The following TTC23 variants were observed in gnomAD, a reference collection of about 807,000 sequenced individuals.
TTC23 encodes the protein tetratricopeptide repeat protein 23.
In TTC23, 58 loss-of-function variants were observed where a neutral mutation model predicts 55.1. The ratio of observed to expected loss-of-function variants is 1.05; its 90% CI spans 0.85 to 1.31. The LOEUF is 1.31. Among genes scored for constraint, TTC23 ranks in the 50% most tolerant of loss-of-function variants. TTC23 has a pLI of 0.00. For missense variants in TTC23, 516 were observed against 534.4 expected (o/e 0.97, Z 0.34); for synonymous variants, 203 against 199.9 (o/e 1.02, Z -0.13).
chr15:99,233,553 T>G (rs1251575166), intron 4 of TTC23, among the ~76,000 whole-genome samples: 1 of 152,224 alleles, frequency 6.6e-6, no homozygotes, highest in African/African-American at 2.4e-5. Context: ...TATCTATTCC[T>G]GATGAAAATT....
intron 10 of TTC23, among the ~76,000 whole-genome samples, chr15:99,165,553 T>G (rs756669917): frequency 6.6e-6 from 1 of 152,252 alleles, no homozygotes; most frequent in Non-Finnish European, 1.5e-5. Flanking sequence ...CAGTGCCAGC[T>G]GGCCCTGGGG....
intron 8 of TTC23, 53 bp from the exon 9 acceptor site, chr15:99,200,149 A>G (rs1026542731): frequency 5.6e-6 from 8 of 1,431,278 alleles, no homozygotes; most frequent in Non-Finnish European, 7.4e-6. Flanking sequence ...GAAAATACTG[A>G]AAATATAGGT....
intron 11 of TTC23, chr15:99,160,564 G>T (rs1171914343): frequency 6.6e-6 from 1 of 152,104 alleles, no homozygotes; most frequent in East Asian, 1.9e-4. Flanking sequence ...TTGTACAAGG[G>T]CTTGAGCATC....
At chr15:99,199,780 A>G (rs2076050792) in intron 9 of TTC23, 139 bp downstream of exon 9, 2 of 764,154 alleles carry the variant, frequency 2.6e-6, no homozygotes, top group Non-Finnish European at 2.0e-6. Context: ...ACCTTTGTTG[A>G]GCATCTACTC....
chr15:99,246,920 T>TCAAA (rs777626353), intron 1 of TTC23, among the ~76,000 whole-genome samples: 19 of 151,776 alleles, frequency 1.3e-4, no homozygotes, highest in South Asian at 4.2e-4. Flanking sequence ...AGACCCAGTC[T>TCAAA]CAAACAAACA....
At chr15:99,173,605 TAA>T (rs928651052) in intron 10 of TTC23, among the ~76,000 whole-genome samples, 1 of 151,052 alleles carries the variant, frequency 6.6e-6, no homozygotes, top group East Asian at 1.9e-4. Flanking sequence ...AAAAAATAAT[TAA>T]AAAAAAATTG....
At chr15:99,209,879 TG>T (rs1360551824) in intron 8 of TTC23, among the ~76,000 whole-genome samples, 3 of 152,076 alleles carry the variant, frequency 2.0e-5, no homozygotes, top group Non-Finnish European at 4.4e-5. Flanking sequence ...GGACTACAGG[TG>T]TATGCTACAA....
At chr15:99,229,609 G>GA (rs2078764874) in intron 4 of TTC23, among the ~76,000 whole-genome samples, 1 of 152,222 alleles carries the variant, frequency 6.6e-6, no homozygotes, top group East Asian at 1.9e-4. Context: ...TCCAGAGACA[G>GA]AGGAACCAAG....
At chr15:99,235,619 C>T (rs187507285) in intron 3 of TTC23, among the ~76,000 whole-genome samples, 1 of 152,324 alleles carries the variant, frequency 6.6e-6, no homozygotes, top group African/African-American at 2.4e-5. Flanking sequence ...ATCCGCCTGC[C>T]TTGGCCTCCC....
chr15:99,171,172 T>C (rs2072873446), intron 10 of TTC23, among the ~76,000 whole-genome samples: 1 of 152,236 alleles, frequency 6.6e-6, no homozygotes, highest in Admixed American at 6.5e-5. Context: ...TAGCATTGAC[T>C]CACCTTTAAG....
rs2067664533 is a variant in TTC23, at chr15:99,137,268, TCAGGA to T, written c.*737_*741del. 1 of 152,320 alleles carries T rather than the reference TCAGGA, an allele frequency of 6.6e-6. No individual in the cohort carries two copies. Among genetic ancestry groups the T allele is most frequent in the Non-Finnish European group, 1.5e-5 (1 of 68,096 alleles). The allele number at this position is 152,320 out of a possible 1,614,324, so 9.4% of individuals were successfully genotyped here. On this transcript the variant is annotated 3_prime_UTR_variant, in exon 14 of 14. Coordinates refer to ENST00000394132, the MANE Select transcript of TTC23 (RefSeq NM_001288615.3). ...GCTGTGTACACGATAGTGTGCCAAC[TCAGGA>T]AGCAGCTCCAGGTGGCATCCAGGTT...
At chr15:99,197,053 T>TA (rs749360346) in intron 9 of TTC23, among the ~76,000 whole-genome samples, 9 of 152,112 alleles carry the variant, frequency 5.9e-5, no homozygotes, top group Non-Finnish European at 1.3e-4. Context: ...CAACTACACT[T>TA]ACTGTTTTTG....
At chr15:99,222,248 T>G (rs2078002752) in intron 5 of TTC23, among the ~76,000 whole-genome samples, 1 of 152,160 alleles carries the variant, frequency 6.6e-6, no homozygotes, top group African/African-American at 2.4e-5. Flanking sequence ...TGTTTTCAAA[T>G]AGTACACTTT....
intron 10 of TTC23, among the ~76,000 whole-genome samples, chr15:99,172,859 G>T (rs1381634278): frequency 1.3e-5 from 2 of 152,188 alleles, no homozygotes; most frequent in African/African-American, 4.8e-5. Flanking sequence ...GCAATAGAGT[G>T]CTATATTTAG....
At chr15:99,240,810 C>G in intron 3 of TTC23, among the ~76,000 whole-genome samples, 1 of 152,200 alleles carries the variant, frequency 6.6e-6, no homozygotes, top group East Asian at 1.9e-4. Context: ...TATAAAGATG[C>G]TGCTTTTTTA....
chr15:99,246,580 A>G (rs1298855789), intron 1 of TTC23, among the ~76,000 whole-genome samples: 1 of 149,684 alleles, frequency 6.7e-6, no homozygotes, highest in Non-Finnish European at 1.5e-5. Context: ...GAGCCACTGT[A>G]CTCCAGCCCG....
chr15:99,187,471 AAAC>A lies in TTC23; in HGVS notation c.760-12319_760-12317del, dbSNP rs1306308364. 4.9e-4 allele frequency among the ~76,000 whole-genome samples: 72 copies of A among 147,320 alleles called. 7 individuals carry two copies. Among genetic ancestry groups the A allele is most frequent in the Middle Eastern group, 3.6e-3 (1 of 280 alleles). On this transcript the variant is annotated intron_variant, in intron 9 of 13. Transcript: ENST00000394132. ...CACAAGCAAAAAAAAAAAAAAAACA[AAAC>A]AAAAGAAACCCAACATAGACAAGTT...
At chr15:99,215,747 C>CA (rs565894029) in intron 8 of TTC23, among the ~76,000 whole-genome samples, 1 of 146,816 alleles carries the variant, frequency 6.8e-6, no homozygotes, top group African/African-American at 2.5e-5. Flanking sequence ...ATCCTGTATA[C>CA]AAAAAAGAAA....
chr15:99,188,112 A>T (rs751146438), intron 9 of TTC23, among the ~76,000 whole-genome samples: 1 of 152,082 alleles, frequency 6.6e-6, no homozygotes, highest in Non-Finnish European at 1.5e-5. Context: ...CTACTGATGA[A>T]TGGATAAAAA....
Sources: allele counts gnomAD v4.1 joint callset (sites outside exome capture counted in the v4.1 genomes callset), GRCh38; gene constraint gnomAD v4.1.1; transcripts MANE v1.5; gene names NCBI Gene and HGNC (gene_info 2026-07-23, HGNC 2026-07-21).